DIAPH2: variants seen among roughly 807,000 people sequenced by gnomAD.
DIAPH2 encodes diaphanous related formin 2, also known as protein diaphanous homolog 2.
In DIAPH2, 35 loss-of-function variants were observed where a neutral mutation model predicts 92.7. The observed-to-expected ratio is 0.38, with a 90% confidence interval of 0.29 to 0.50. The LOEUF (loss-of-function observed/expected upper bound fraction) is 0.50. DIAPH2 is among the 20% of genes least tolerant of loss of function. The pLI, the probability that DIAPH2 is intolerant of heterozygous loss-of-function variation, is 0.94. For missense variants in DIAPH2, 701 were observed against 819.5 expected (o/e 0.86, Z 1.77); for synonymous variants, 301 against 280.4 (o/e 1.07, Z -0.73).
At chrX:97,201,426 G>T (rs2067749310) in intron 22 of DIAPH2, among the ~76,000 whole-genome samples, 1 of 108,212 alleles carries the variant, frequency 9.2e-6, no homozygotes, top group African/African-American at 3.4e-5. Flanking sequence ...CTTGATAAAA[G>T]GTTAGAGGAA....
intron 22 of DIAPH2, among the ~76,000 whole-genome samples, chrX:97,235,601 C>CAAAAAAAAAAA (rs10563336): frequency 1.9e-5 from 1 of 53,383 alleles, no homozygotes; most frequent in South Asian, 1.2e-3. Context: ...GAGACTACGT[C>CAAAAAAAAAAA]AAAAAAAAAA....
rs2071579199 is a variant in DIAPH2, at chrX:97,599,592, A to T, written c.*275A>T. The T allele has an allele frequency of 1.3e-5, 2 of 148,674 alleles. No individual in the cohort carries two copies. The highest frequency in any genetic ancestry group is 6.3e-5 in the African/African-American group (2 of 31,762). The allele number at this position is 148,674 out of a possible 1,213,427, so 12.3% of individuals were successfully genotyped here. ...AATTGTGTGTGACCTGACTGTGATG[A>T]TGGAAGTGTAAGAAATTGAAGAGTT... On this transcript the variant is annotated 3_prime_UTR_variant, in exon 27 of 27. Transcript: ENST00000324765.
At chrX:97,122,104 C>T (rs1204228989) in intron 21 of DIAPH2, among the ~76,000 whole-genome samples, 5 of 111,575 alleles carry the variant, frequency 4.5e-5, no homozygotes, top group South Asian at 3.7e-4. Flanking sequence ...ATACTTGGCT[C>T]ATTTCAAGGA....
At chrX:97,012,286 T>A (rs1299299992) in intron 17 of DIAPH2, among the ~76,000 whole-genome samples, 2 of 112,236 alleles carry the variant, frequency 1.8e-5, no homozygotes, top group East Asian at 5.6e-4. Flanking sequence ...TACTCTGTGC[T>A]AGCCACTGTT....
chrX:97,287,952 C>CAAAAAAAAAAAAAAAA (rs748309881), intron 23 of DIAPH2, among the ~76,000 whole-genome samples: 32 of 39,782 alleles, frequency 8.0e-4, no homozygotes, highest in African/African-American at 3.4e-3. Flanking sequence ...GACTCTGTCT[C>CAAAAAAAAAAAAAAAA]AAAAAAAAAA....
At chrX:97,085,157 C>A (rs981070354) in intron 19 of DIAPH2, among the ~76,000 whole-genome samples, 54 of 111,204 alleles carry the variant, frequency 4.9e-4, no homozygotes, top group Admixed American at 1.2e-3. Context: ...ATATTAGAAT[C>A]ATATATTCTA....
At position 96,908,680 on chromosome X, in the gene DIAPH2, C is replaced by T. The variant is rs368372922; in HGVS notation, c.588-3648C>T. Among the ~76,000 whole-genome samples, 415 of 110,644 alleles carry T rather than the reference C, an allele frequency of 3.8e-3. 1 individual carries two copies. The highest frequency in any genetic ancestry group is 0.013 in the African/African-American group (394 of 30,447). ...GTGGCGCGATTTCAGCTCACTGCAACCTCCGTCTCCTGGGTTCACGCCATT... is the reference window on the plus strand; with the variant it reads ...GTGGCGCGATTTCAGCTCACTGCAATCTCCGTCTCCTGGGTTCACGCCATT... On this transcript the variant is annotated intron_variant, in intron 5 of 26. Coordinates refer to ENST00000324765, the MANE Select transcript of DIAPH2 (RefSeq NM_006729.5).
At chrX:97,503,903 T>G (rs759020584) in intron 26 of DIAPH2, among the ~76,000 whole-genome samples, 1 of 111,925 alleles carries the variant, frequency 8.9e-6, no homozygotes, top group South Asian at 3.7e-4. Flanking sequence ...GCATTCAACC[T>G]GCTTCAGAAT....
chrX:97,112,684 C>A (rs1313724180), intron 20 of DIAPH2, among the ~76,000 whole-genome samples: 1 of 107,731 alleles, frequency 9.3e-6, no homozygotes, highest in Non-Finnish European at 1.9e-5. Context: ...AACCTTTTCT[C>A]ACACCATTCT....
At chrX:97,292,886 A>C (rs1602484284) in intron 23 of DIAPH2, among the ~76,000 whole-genome samples, 1 of 111,750 alleles carries the variant, frequency 8.9e-6, no homozygotes, top group South Asian at 3.7e-4. Flanking sequence ...ATAAATTCTT[A>C]ATAAACTAAA....
At chrX:97,568,837 A>C (rs2071345515) in intron 26 of DIAPH2, among the ~76,000 whole-genome samples, 1 of 112,271 alleles carries the variant, frequency 8.9e-6, no homozygotes, top group Non-Finnish European at 1.9e-5. Context: ...ATTGTTCAGC[A>C]AAAGAATTAT....
At chrX:97,534,813 C>T (rs2071084298) in intron 26 of DIAPH2, among the ~76,000 whole-genome samples, 1 of 111,325 alleles carries the variant, frequency 9.0e-6, no homozygotes, top group South Asian at 3.9e-4. Flanking sequence ...AATTGGCTAC[C>T]TCAGCCAGGT....
chrX:97,446,548 T>C (rs1219726149), intron 26 of DIAPH2, among the ~76,000 whole-genome samples: 1 of 111,934 alleles, frequency 8.9e-6, no homozygotes, highest in Non-Finnish European at 1.9e-5. Context: ...TATGTTAATG[T>C]TTTTCTCTAA....
chrX:97,032,589 A>G lies in DIAPH2; in HGVS notation c.2051-40352A>G, dbSNP rs189158587. Among the ~76,000 whole-genome samples, 48 of 109,325 alleles carry G rather than the reference A, an allele frequency of 4.4e-4. 1 individual carries two copies. Among genetic ancestry groups the G allele is most frequent in the African/African-American group, 1.6e-3 (48 of 30,140 alleles). The allele number at this position is 109,325 out of a possible 115,157, so 94.9% of individuals were successfully genotyped here. A position where few individuals can be genotyped will look rare whatever the true frequency, so the allele number is the denominator to read the frequency against. On this transcript the variant is annotated intron_variant, in intron 17 of 26. Coordinates refer to ENST00000324765, the MANE Select transcript of DIAPH2 (RefSeq NM_006729.5). ...TCTATTCTAATTTCCCTAATTTTTA[A>G]GCTCTTGGGGGGCCAGTGTGTTACC...
intron 26 of DIAPH2, among the ~76,000 whole-genome samples, chrX:97,455,589 A>G (rs1226847693): frequency 8.9e-6 from 1 of 112,357 alleles, no homozygotes; most frequent in African/African-American, 3.2e-5. Flanking sequence ...ATAAAGAATA[A>G]TGTATTTAGA....
intron 4 of DIAPH2, among the ~76,000 whole-genome samples, chrX:96,846,879 T>C (rs760138207): frequency 6.3e-5 from 7 of 111,259 alleles, no homozygotes; most frequent in African/African-American, 2.3e-4. Context: ...AATTAAGTTC[T>C]GCATAGTACC....
At chrX:97,072,172 G>A (rs1244878615) in intron 17 of DIAPH2, among the ~76,000 whole-genome samples, 2 of 111,162 alleles carry the variant, frequency 1.8e-5, no homozygotes, top group African/African-American at 6.5e-5. Context: ...TTGTTTTTTG[G>A]GCCGGCCTAC....
At chrX:96,749,145 A>AAAAAAATATATATATAT (rs1252042191) in intron 3 of DIAPH2, among the ~76,000 whole-genome samples, 1 of 79,825 alleles carries the variant, frequency 1.3e-5, no homozygotes, top group African/African-American at 5.1e-5. Context: ...AAAAAAAAAA[A>AAAAAAATATATATATAT]ATATATATAT....
chrX:96,739,986 A>G (rs936040006), intron 3 of DIAPH2, among the ~76,000 whole-genome samples: 1 of 112,021 alleles, frequency 8.9e-6, no homozygotes, highest in Non-Finnish European at 1.9e-5. Context: ...ATAGCCTTCA[A>G]TACATTTTTT....
Sources: allele counts gnomAD v4.1 joint callset (sites outside exome capture counted in the v4.1 genomes callset), GRCh38; gene constraint gnomAD v4.1.1; transcripts MANE v1.5; gene names NCBI Gene and HGNC (gene_info 2026-07-23, HGNC 2026-07-21).